ATP10B: variants seen among roughly 807,000 people sequenced by gnomAD.
ATP10B encodes the protein phospholipid-transporting ATPase VB.
A neutral mutation model predicts 141.2 loss-of-function variants in ATP10B; 122 were observed. That is an observed-to-expected ratio of 0.86 (90% CI 0.75 to 1.00). The LOEUF (loss-of-function observed/expected upper bound fraction) is 1.00. ATP10B is among the 50% of genes least tolerant of loss of function. The pLI is 0.00. For synonymous variants in ATP10B, 685 were observed against 692.0 expected (o/e 0.99, Z 0.16); for missense variants, 1,876 against 1,825.3 (o/e 1.03, Z -0.51).
chr5:160,705,326 A>T (rs1417112789), intron 3 of ATP10B, among the ~76,000 whole-genome samples: 1 of 152,066 alleles, frequency 6.6e-6, no homozygotes, highest in African/African-American at 2.4e-5. Context: ...GGCTCAAGCA[A>T]TCCTCCTACC....
At chr5:160,585,380 G>A (rs575113225) in intron 24 of ATP10B, among the ~76,000 whole-genome samples, 10 of 152,260 alleles carry the variant, frequency 6.6e-5, no homozygotes, top group Middle Eastern at 3.4e-3. Context: ...TGAGACGGGC[G>A]GATCACGAGG....
chr5:160,780,717 A>G (rs528844547), intron 2 of ATP10B, among the ~76,000 whole-genome samples: 1 of 152,258 alleles, frequency 6.6e-6, no homozygotes, highest in African/African-American at 2.4e-5. Context: ...GATTCCAGCA[A>G]TTGTTTAGAA....
chr5:160,576,025 A>C (rs1755168056), intron 24 of ATP10B, among the ~76,000 whole-genome samples: 5 of 152,174 alleles, frequency 3.3e-5, no homozygotes. Flanking sequence ...TGGCTCAGCA[A>C]CCACAGCGGA....
At chr5:160,846,618 C>T (rs1473148407) in intron 1 of ATP10B, among the ~76,000 whole-genome samples, 1 of 152,150 alleles carries the variant, frequency 6.6e-6, no homozygotes, top group Non-Finnish European at 1.5e-5. Context: ...GTAGTAGCAA[C>T]TGTAGCTACT....
chr5:160,591,215 G>A (rs1403405354), intron 22 of ATP10B, 76 bp from the exon 23 acceptor site: 1 of 1,254,742 alleles, frequency 8.0e-7, no homozygotes, highest in Middle Eastern at 1.9e-4. Context: ...TTTCTTGCAT[G>A]TGGCTGCGAC....
At chr5:160,852,649 G>A (rs942068923), upstream of ATP10B, among the ~76,000 whole-genome samples, 4 of 152,082 alleles carry the variant, frequency 2.6e-5, no homozygotes, top group Non-Finnish European at 5.9e-5. Flanking sequence ...TAAGGAAAGT[G>A]GGACCAATAT....
intron 1 of ATP10B, among the ~76,000 whole-genome samples, chr5:160,791,711 T>C (rs1170671456): frequency 2.6e-5 from 4 of 152,174 alleles, no homozygotes; most frequent in African/African-American, 9.7e-5. Context: ...TAGCTGTTTA[T>C]GATACTTGCA....
At chr5:160,786,772 T>C (rs1359438710) in intron 1 of ATP10B, among the ~76,000 whole-genome samples, 1 of 151,810 alleles carries the variant, frequency 6.6e-6, no homozygotes, top group Non-Finnish European at 1.5e-5. Context: ...ACACACATAC[T>C]CTATAAAAGG....
chr5:160,927,862 G>A, the ATP10B span, among the ~76,000 whole-genome samples: 1 of 152,242 alleles, frequency 6.6e-6, no homozygotes, highest in Non-Finnish European at 1.5e-5. Context: ...ATTGGGGGCA[G>A]TATTTTAGAT....
Position 160,632,348 on chromosome 5 carries a change from T to C in ATP10B, c.1401A>G (p.Pro467=). 1 of 1,614,196 alleles carries C rather than the reference T, an allele frequency of 6.2e-7. No individual in the cohort carries two copies. The highest frequency in any genetic ancestry group is 2.2e-5 in the East Asian group (1 of 44,874). Residue 467 remains proline, a synonymous_variant, in exon 13 of 26, where the codon CCA becomes CCG. Coordinates refer to ENST00000327245, the MANE Select transcript of ATP10B (RefSeq NM_025153.3). The part of the protein sequence containing the change: ...HQENAKRLET[P]KELDSDGEEW... The stretch of plus-strand genomic sequence containing the variant: ...CTTCACCATCTGAGTCCAGCTCCTT[T>C]GGGGTCTCCAGTCGCTTAGCTGCAA...
At chr5:160,666,959 C>T (rs560495148) in intron 7 of ATP10B, among the ~76,000 whole-genome samples, 33 of 152,332 alleles carry the variant, frequency 2.2e-4, no homozygotes, top group Non-Finnish European at 4.3e-4. Flanking sequence ...TGGCTCACGC[C>T]TGTAATTCCA....
chr5:160,829,289 T>C (rs1024169198), intron 1 of ATP10B, among the ~76,000 whole-genome samples: 1 of 152,062 alleles, frequency 6.6e-6, no homozygotes, highest in African/African-American at 2.4e-5. Flanking sequence ...TATTTCTGGT[T>C]TTTCTGTTCT....
At chr5:160,686,768 AG>A (rs752013647) in intron 5 of ATP10B, among the ~76,000 whole-genome samples, 133 of 152,182 alleles carry the variant, frequency 8.7e-4, no homozygotes, top group Non-Finnish European at 1.5e-3. Flanking sequence ...TGGACTTTAA[AG>A]GGGTCCCATA....
At chr5:160,774,269 G>A (rs964241271) in intron 2 of ATP10B, among the ~76,000 whole-genome samples, 1 of 152,170 alleles carries the variant, frequency 6.6e-6, no homozygotes, top group Non-Finnish European at 1.5e-5. Flanking sequence ...TTCTCCACAG[G>A]TTGTACTGGC....
chr5:160,817,904 T>C (rs1310260232), intron 1 of ATP10B, among the ~76,000 whole-genome samples: 12 of 152,184 alleles, frequency 7.9e-5, no homozygotes, highest in Non-Finnish European at 1.6e-4. Flanking sequence ...GCAGAAACGA[T>C]TCCCTATTTA....
intron 2 of ATP10B, among the ~76,000 whole-genome samples, chr5:160,761,026 T>A (rs953327591): frequency 2.0e-5 from 3 of 152,108 alleles, no homozygotes; most frequent in African/African-American, 7.2e-5. Context: ...CTGGCCAGCG[T>A]AGGGTAAGAT....
chr5:160,767,796 T>C (rs1046970693), intron 2 of ATP10B, among the ~76,000 whole-genome samples: 21 of 152,270 alleles, frequency 1.4e-4, no homozygotes, highest in African/African-American at 4.8e-4. Context: ...CTTCTGAATA[T>C]GGCAATTGCA....
chr5:160,885,338 T>C, the ATP10B span, among the ~76,000 whole-genome samples: 1 of 152,126 alleles, frequency 6.6e-6, no homozygotes, highest in African/African-American at 2.4e-5. Flanking sequence ...AGATGGGGAA[T>C]GTGAAGGCTG....
chr5:160,637,282 C>T (rs1271184220), intron 10 of ATP10B, among the ~76,000 whole-genome samples: 2 of 152,024 alleles, frequency 1.3e-5, no homozygotes, highest in African/African-American at 2.4e-5. Flanking sequence ...TTTATCCATC[C>T]ATCCATCCAC....
Sources: allele counts gnomAD v4.1 joint callset (sites outside exome capture counted in the v4.1 genomes callset), GRCh38; gene constraint gnomAD v4.1.1; transcripts MANE v1.5; gene names NCBI Gene and HGNC (gene_info 2026-07-23, HGNC 2026-07-21).